Variants in RELN observed in about 807,000 individuals in gnomAD.
RELN encodes reelin.
Under a neutral mutation model 427.6 loss-of-function variants are expected in RELN, and 108 were observed. The ratio of observed to expected loss-of-function variants is 0.25; its 90% CI spans 0.22 to 0.30. The LOEUF is 0.30. Among genes scored for constraint, RELN ranks in the 10% least tolerant of loss-of-function variants. RELN has a pLI of 1.00. For missense variants in RELN, 3,715 were observed against 4,302.8 expected (o/e 0.86, Z 3.82); for synonymous variants, 1,524 against 1,513.4 (o/e 1.01, Z -0.16).
At chr7:103,907,275 G>A (rs1795228620) in intron 2 of RELN, among the ~76,000 whole-genome samples, 2 of 150,934 alleles carry the variant, frequency 1.3e-5, no homozygotes, top group Admixed American at 1.3e-4. Flanking sequence ...AATTAGCTGG[G>A]CATGGTGGTG....
intron 49 of RELN, among the ~76,000 whole-genome samples, chr7:103,517,763 A>G (rs1172955048): frequency 6.6e-6 from 1 of 152,182 alleles, no homozygotes; most frequent in Non-Finnish European, 1.5e-5. Context: ...TGCTTGTGGC[A>G]AAAACTGCTG....
chr7:103,631,809 CTAAA>C (rs1185844571), intron 19 of RELN, among the ~76,000 whole-genome samples: 2 of 151,652 alleles, frequency 1.3e-5, no homozygotes, highest in African/African-American at 2.4e-5. Flanking sequence ...TAGAAAGAAA[CTAAA>C]TAAACTATAT....
chr7:103,920,566 G>GTTTTT (rs1563092030), intron 1 of RELN, among the ~76,000 whole-genome samples: 1 of 114,688 alleles, frequency 8.7e-6, no homozygotes, highest in African/African-American at 4.6e-5. Flanking sequence ...ACCAGTCTTT[G>GTTTTT]GTTTTTTTTT....
At chr7:103,825,775 G>T (rs1462712134) in intron 3 of RELN, among the ~76,000 whole-genome samples, 1 of 152,108 alleles carries the variant, frequency 6.6e-6, no homozygotes, top group African/African-American at 2.4e-5. Context: ...CTGAGGAACT[G>T]AATTTTTTAT....
intron 6 of RELN, among the ~76,000 whole-genome samples, chr7:103,744,684 C>T (rs1425138373): frequency 2.0e-5 from 3 of 152,130 alleles, no homozygotes; most frequent in South Asian, 2.1e-4. Flanking sequence ...ATAAATTCCT[C>T]AACACATACA....
intron 46 of RELN, among the ~76,000 whole-genome samples, chr7:103,523,802 C>T (rs149046647): frequency 2.6e-5 from 4 of 152,076 alleles, no homozygotes; most frequent in South Asian, 2.1e-4. Flanking sequence ...CTCAGCCTCC[C>T]GAGTAGCTGG....
intron 3 of RELN, among the ~76,000 whole-genome samples, chr7:103,820,769 C>A (rs919059514): frequency 6.6e-6 from 1 of 152,008 alleles, no homozygotes; most frequent in Non-Finnish European, 1.5e-5. Flanking sequence ...TAATGAGGCA[C>A]TTGATGTGTT....
chr7:103,958,916 AT>A (rs1473308572), intron 1 of RELN, among the ~76,000 whole-genome samples: 1 of 152,096 alleles, frequency 6.6e-6, no homozygotes, highest in African/African-American at 2.4e-5. Flanking sequence ...GAAGATGGAG[AT>A]TTGTTCAGTA....
chr7:103,619,707 A>G (rs897508086), intron 20 of RELN, among the ~76,000 whole-genome samples: 1 of 152,166 alleles, frequency 6.6e-6, no homozygotes, highest in Non-Finnish European at 1.5e-5. Flanking sequence ...GTCAGTGCAA[A>G]GCACAGCATG....
At chr7:103,745,552 A>G (rs950537051) in intron 6 of RELN, among the ~76,000 whole-genome samples, 18 of 151,254 alleles carry the variant, frequency 1.2e-4, no homozygotes, top group African/African-American at 2.9e-4. Flanking sequence ...CAAGCTGATA[A>G]GCAACTTCAG....
At chr7:103,748,992 T>C (rs1339563874) in intron 6 of RELN, among the ~76,000 whole-genome samples, 1 of 152,178 alleles carries the variant, frequency 6.6e-6, no homozygotes, top group Non-Finnish European at 1.5e-5. Flanking sequence ...CCCACAGAGT[T>C]ACACTTAAAC....
chr7:103,907,679 C>A (rs1473545711), intron 2 of RELN, among the ~76,000 whole-genome samples: 1 of 151,510 alleles, frequency 6.6e-6, no homozygotes, highest in Non-Finnish European at 1.5e-5. Flanking sequence ...TTAAAGGCTA[C>A]AGCCTTTAAA....
chr7:103,742,506 T>G (rs1421623376), intron 6 of RELN, among the ~76,000 whole-genome samples: 2 of 151,992 alleles, frequency 1.3e-5, no homozygotes, highest in Admixed American at 1.3e-4. Flanking sequence ...GCAAAGAAGT[T>G]AAAAGCTTTG....
intron 3 of RELN, among the ~76,000 whole-genome samples, chr7:103,833,193 T>C (rs1397499078): frequency 6.6e-6 from 1 of 152,098 alleles, no homozygotes; most frequent in Non-Finnish European, 1.5e-5. Context: ...GATTTCCAAA[T>C]TTACTTCTCC....
intron 1 of RELN, among the ~76,000 whole-genome samples, chr7:103,954,599 C>A (rs577396808): frequency 6.6e-6 from 1 of 152,270 alleles, no homozygotes; most frequent in East Asian, 1.9e-4. Context: ...TGGTACAGAA[C>A]AAAATACACA....
intron 6 of RELN, among the ~76,000 whole-genome samples, chr7:103,739,581 T>C (rs1790587612): frequency 6.6e-6 from 1 of 152,220 alleles, no homozygotes; most frequent in South Asian, 2.1e-4. Context: ...AGAGGTATAG[T>C]GCTTGTGGTC....
chr7:103,631,299 T>TTTTTC (rs1278796783), intron 19 of RELN, among the ~76,000 whole-genome samples: 1 of 135,572 alleles, frequency 7.4e-6, no homozygotes, highest in Non-Finnish European at 1.6e-5. Flanking sequence ...TTTTTTTTTT[T>TTTTTC]TTTTTTTTTT....
At chr7:103,738,941 A>G (rs1584451058) in intron 6 of RELN, among the ~76,000 whole-genome samples, 1 of 152,014 alleles carries the variant, frequency 6.6e-6, no homozygotes, top group African/African-American at 2.4e-5. Flanking sequence ...TTGGCCTCCT[A>G]AAGTGTTCAG....
chr7:103,984,993 C>T lies in RELN; in HGVS notation c.226+4138G>A, dbSNP rs543296598. Among the ~76,000 whole-genome samples the T allele has an allele frequency of 7.2e-5, 11 of 152,224 alleles. No individual in the cohort carries two copies. The East Asian group carries it at 1.7e-3, about 24-fold the overall frequency. Reference sequence around the variant, plus strand: ...CCTTTGAACAAGAATTTTTAAATAGCAACCAGTTAATTTCAGAACACGTGT... The same window carrying T: ...CCTTTGAACAAGAATTTTTAAATAGTAACCAGTTAATTTCAGAACACGTGT... On this transcript the variant is annotated intron_variant, in intron 1 of 64. Coordinates refer to ENST00000428762, the MANE Select transcript of RELN (RefSeq NM_005045.4).
Sources: allele counts gnomAD v4.1 joint callset (sites outside exome capture counted in the v4.1 genomes callset), GRCh38; gene constraint gnomAD v4.1.1; transcripts MANE v1.5; gene names NCBI Gene and HGNC (gene_info 2026-07-23, HGNC 2026-07-21).